The following DDX10 variants were observed in gnomAD, a reference collection of about 807,000 sequenced individuals.
DDX10 encodes the protein probable ATP-dependent RNA helicase DDX10.
DDX10 carries 74 observed loss-of-function variants against 104.3 expected under a neutral mutation model. The ratio of observed to expected loss-of-function variants is 0.71; its 90% CI spans 0.59 to 0.86. The LOEUF (loss-of-function observed/expected upper bound fraction) is 0.86. DDX10 is among the 40% of genes least tolerant of loss of function. The pLI, the probability that DDX10 is intolerant of heterozygous loss-of-function variation, is 0.00. For synonymous variants in DDX10, 351 were observed against 353.4 expected (o/e 0.99, Z 0.08); for missense variants, 952 against 1,040.0 (o/e 0.92, Z 1.16).
At chr11:108,795,415 A>C (rs1346367460) in intron 13 of DDX10, among the ~76,000 whole-genome samples, 1 of 151,576 alleles carries the variant, frequency 6.6e-6, no homozygotes, top group East Asian at 1.9e-4. Flanking sequence ...ATATGTATGC[A>C]TGTGCCATGT....
chr11:108,775,992 T>C (rs1386450198), intron 13 of DDX10, among the ~76,000 whole-genome samples: 6 of 152,222 alleles, frequency 3.9e-5, no homozygotes, highest in Non-Finnish European at 7.3e-5. Context: ...TACTTCATTT[T>C]TGATGCTGTG....
At chr11:108,917,136 G>T (rs1863761475) in intron 16 of DDX10, among the ~76,000 whole-genome samples, 1 of 150,684 alleles carries the variant, frequency 6.6e-6, no homozygotes, top group African/African-American at 2.4e-5. Context: ...TGCAATCATG[G>T]CTCACTCTAG....
At chr11:108,917,653 T>C (rs532369951) in intron 16 of DDX10, among the ~76,000 whole-genome samples, 2 of 152,342 alleles carry the variant, frequency 1.3e-5, no homozygotes, top group South Asian at 4.1e-4. Context: ...GACTGAATAG[T>C]GATTTGCTTT....
In DDX10 at chr11:108,723,143, G is replaced by A; in HGVS notation, c.1646G>A (p.Arg549Lys). The change falls in exon 13 of 18, where the codon AGA (arginine) becomes AAA (lysine). Residue 549 changes from arginine to lysine, a missense_variant. Coordinates refer to ENST00000322536, the MANE Select transcript of DDX10 (RefSeq NM_004398.4). ...SLTNDEVEEF[R>K]AYFNEKMSIL... Reference sequence around the variant, plus strand: ...ACCAATGACGAAGTGGAAGAATTTAGAGCCTACTTCAATGAGAAAATGTCC... The same window carrying A: ...ACCAATGACGAAGTGGAAGAATTTAAAGCCTACTTCAATGAGAAAATGTCC... 1 of 1,613,842 alleles carries A rather than the reference G, an allele frequency of 6.2e-7. No homozygotes were observed. The highest frequency in any genetic ancestry group is 8.5e-7 in the Non-Finnish European group (1 of 1,179,884).
chr11:108,794,440 C>T (rs1861911837), intron 13 of DDX10, among the ~76,000 whole-genome samples: 1 of 152,016 alleles, frequency 6.6e-6, no homozygotes, highest in Non-Finnish European at 1.5e-5. Flanking sequence ...TAGCAACAGC[C>T]TTTTTTTCTC....
chr11:108,932,356 T>TGGTG (rs1863985734), intron 17 of DDX10, among the ~76,000 whole-genome samples: 2 of 151,994 alleles, frequency 1.3e-5, no homozygotes, highest in South Asian at 2.1e-4. Flanking sequence ...AGGCCGAACA[T>TGGTG]GGTGGTGTGC....
At chr11:108,667,442 A>T (rs975712436) in intron 1 of DDX10, among the ~76,000 whole-genome samples, 3 of 152,210 alleles carry the variant, frequency 2.0e-5, no homozygotes, top group African/African-American at 7.2e-5. Context: ...CAGCGTGTCA[A>T]CATGTTCTAG....
intron 1 of DDX10, among the ~76,000 whole-genome samples, chr11:108,667,647 T>A (rs540558070): frequency 3.3e-4 from 50 of 152,206 alleles, no homozygotes; most frequent in Non-Finnish European, 5.9e-4. Context: ...ATGATAGGCA[T>A]ATATGAAGGA....
chr11:108,713,387 T>G (rs1015252520), intron 10 of DDX10, among the ~76,000 whole-genome samples: 8 of 152,170 alleles, frequency 5.3e-5, no homozygotes, highest in African/African-American at 1.9e-4. Context: ...TCAGTCAGGT[T>G]TGGAAGTTTT....
At chr11:108,865,163 G>A (rs1167849900) in intron 16 of DDX10, among the ~76,000 whole-genome samples, 2 of 152,160 alleles carry the variant, frequency 1.3e-5, no homozygotes, top group Non-Finnish European at 2.9e-5. Flanking sequence ...ATCACACTGG[G>A]AGAGAGTGGC....
chr11:108,852,138 CT>C lies in DDX10; in HGVS notation c.2248-13del, dbSNP rs758827489. The stretch of plus-strand genomic sequence containing the variant: ...ATTATATGCTGCTAATTTTTCTCCT[CT>C]TCCTTGTCTCCAGGAGAAAAGACTG... On this transcript the variant is annotated splice_polypyrimidine_tract_variant and intron_variant, in intron 15 of 17. Coordinates refer to ENST00000322536, the MANE Select transcript of DDX10 (RefSeq NM_004398.4). The C allele has an allele frequency of 5.6e-6, 9 of 1,602,536 alleles. No individual in the cohort carries two copies. The highest frequency in any genetic ancestry group is 1.6e-4 in the Middle Eastern group (1 of 6,064).
chr11:108,800,368 C>T (rs955543844), intron 13 of DDX10, among the ~76,000 whole-genome samples: 1 of 142,090 alleles, frequency 7.0e-6, no homozygotes, highest in Non-Finnish European at 1.5e-5. Flanking sequence ...TGGCATCAAC[C>T]CGGGAGGCAG....
chr11:108,718,712 T>C (rs929790356), intron 11 of DDX10, among the ~76,000 whole-genome samples: 3 of 152,260 alleles, frequency 2.0e-5, no homozygotes, highest in African/African-American at 7.2e-5. Flanking sequence ...AATGGCCAAC[T>C]GTGTTGCCAG....
chr11:108,837,529 T>TA (rs2134592547), intron 13 of DDX10, among the ~76,000 whole-genome samples: 1 of 151,544 alleles, frequency 6.6e-6, no homozygotes, highest in South Asian at 2.1e-4. Context: ...TATCTTGCTG[T>TA]AGTGGTTTTA....
chr11:108,843,769 T>C (rs1591833284), intron 15 of DDX10, among the ~76,000 whole-genome samples: 1 of 145,860 alleles, frequency 6.9e-6, no homozygotes, highest in South Asian at 2.2e-4. Context: ...AAAAAAAAAA[T>C]TGCACATTGA....
intron 13 of DDX10, among the ~76,000 whole-genome samples, chr11:108,726,456 A>T (rs1257028667): frequency 1.3e-5 from 2 of 152,060 alleles, no homozygotes; most frequent in Non-Finnish European, 2.9e-5. Flanking sequence ...ATATTTTTTA[A>T]TGCTATCATA....
chr11:108,892,313 C>G (rs1198592654), intron 16 of DDX10, among the ~76,000 whole-genome samples: 5 of 152,140 alleles, frequency 3.3e-5, no homozygotes, highest in African/African-American at 1.2e-4. Flanking sequence ...ACCATGTAAT[C>G]TCTGCACAAG....
At position 108,723,777 on chromosome 11, in the gene DDX10, A is replaced by G. The variant is rs140441368; in HGVS notation, c.1965+315A>G. On this transcript the variant is annotated intron_variant, in intron 13 of 17. Transcript: ENST00000322536. ...GCAATGAAGTTTTTTGGTTTATGGC[A>G]TGAGGATCCTTCGTTAAAATTCTTA... is the stretch of plus-strand genomic sequence containing the variant. Among the ~76,000 whole-genome samples, 9 of 152,304 alleles carry G rather than the reference A, an allele frequency of 5.9e-5. No homozygotes were observed. The East Asian group carries it at 1.7e-3, about 29-fold the overall frequency.
chr11:108,737,183 A>T (rs371935058), intron 13 of DDX10, among the ~76,000 whole-genome samples: 1 of 152,204 alleles, frequency 6.6e-6, no homozygotes, highest in South Asian at 2.1e-4. Flanking sequence ...TCCTCAACAC[A>T]TTATGATCAG....
Sources: gnomAD v4.1 joint callset for allele counts (sites outside exome capture counted in the v4.1 genomes callset) on GRCh38, gnomAD v4.1.1 for gene constraint, MANE v1.5 for transcripts, NCBI Gene and HGNC (gene_info 2026-07-23, HGNC 2026-07-21) for gene names.